ABCA9: variants seen among roughly 807,000 people sequenced by gnomAD.
The protein encoded by ABCA9 is ATP binding cassette subfamily A member 9.
A neutral mutation model predicts 205.3 loss-of-function variants in ABCA9; 183 were observed. The observed-to-expected ratio is 0.89, with a 90% CI of 0.79 to 1.01. The LOEUF (loss-of-function observed/expected upper bound fraction) is 1.01, where lower values mean the gene tolerates loss of function less well. ABCA9 is among the 50% of genes least tolerant of loss of function. ABCA9 has a pLI of 0.00. For missense variants in ABCA9, 1,805 were observed against 1,912.4 expected (o/e 0.94, Z 1.05); for synonymous variants, 651 against 683.3 (o/e 0.95, Z 0.74).
chr17:69,060,286 A>G (rs1021718891), intron 1 of ABCA9, among the ~76,000 whole-genome samples: 11 of 152,222 alleles, frequency 7.2e-5, no homozygotes, highest in Non-Finnish European at 1.6e-4. Flanking sequence ...TAAAAAGCCA[A>G]TCATTTCCCA....
At chr17:68,977,355 T>A (rs1288209782) in intron 37 of ABCA9, among the ~76,000 whole-genome samples, 1 of 152,160 alleles carries the variant, frequency 6.6e-6, no homozygotes, top group Non-Finnish European at 1.5e-5. Context: ...CAATTCTTCA[T>A]TTCTATACTG....
chr17:68,997,825 A>G (rs1476692781), intron 25 of ABCA9, among the ~76,000 whole-genome samples: 1 of 152,132 alleles, frequency 6.6e-6, no homozygotes, highest in Non-Finnish European at 1.5e-5. Flanking sequence ...CATAGTTTAC[A>G]TTAGAGCTTA....
chr17:69,069,176 AT>A, the ABCA9 span, among the ~76,000 whole-genome samples: 1 of 152,208 alleles, frequency 6.6e-6, no homozygotes, highest in South Asian at 2.1e-4. Flanking sequence ...CCCATCAGAG[AT>A]TGAGGTTTCA....
intron 1 of ABCA9, chr17:69,051,547 C>G (rs563739306): frequency 5.7e-6 from 1 of 176,856 alleles, no homozygotes; most frequent in Non-Finnish European, 1.2e-5. Context: ...TACCATCAAT[C>G]AGTTCTGCTC....
intron 1 of ABCA9, among the ~76,000 whole-genome samples, chr17:69,058,820 C>G (rs1213450403): frequency 6.9e-6 from 1 of 144,584 alleles, no homozygotes; most frequent in Non-Finnish European, 1.5e-5. Flanking sequence ...GCCTAGGTGA[C>G]AGTGTGAGAC....
In ABCA9 at chr17:69,015,969, T is replaced by TTG. The variant is rs3046825; in HGVS notation, c.3039+282_3039+283dup. On this transcript the variant is annotated intron_variant, in intron 22 of 38. Coordinates refer to ENST00000340001, the MANE Select transcript of ABCA9 (RefSeq NM_080283.4). Reference sequence around the variant, plus strand: ...ATAATATTGTGTGGTCAATTCTAAATTGTGTGTGTGTGTGTGTGTGTGTGT... The same window carrying TTG: ...ATAATATTGTGTGGTCAATTCTAAATTGTGTGTGTGTGTGTGTGTGTGTGTGT... Among the ~76,000 whole-genome samples the TTG allele has an allele frequency of 5.5e-3, 819 of 148,154 alleles. 4 individuals carry two copies. Among genetic ancestry groups the TTG allele is most frequent in the Admixed American group, 8.5e-3 (125 of 14,712 alleles).
chr17:69,061,099 CT>C (rs1217436078), upstream of ABCA9: 4 of 985,248 alleles, frequency 4.1e-6, no homozygotes, highest in African/African-American at 7.0e-5. Context: ...TTTTCCATTT[CT>C]TTGTTTCCTG....
At chr17:69,078,386 A>G in the ABCA9 span, among the ~76,000 whole-genome samples, 7 of 152,082 alleles carry the variant, frequency 4.6e-5, no homozygotes, top group Non-Finnish European at 1.0e-4. Flanking sequence ...TTTATTAGAG[A>G]TGGAGTTTCA....
rs776203798 is a variant in ABCA9 at position 69,027,465 on chromosome 17, A to G, written c.1792-16T>C. 18 of 1,597,662 alleles carry G rather than the reference A, an allele frequency of 1.1e-5. No individual in the cohort carries two copies. The Admixed American group carries it at 3.1e-4, about 27-fold the overall frequency. On this transcript the variant is annotated splice_polypyrimidine_tract_variant and intron_variant, in intron 13 of 38. Transcript: ENST00000340001. ...CTCGTTGTACCTAATCAAATAAAGA[A>G]TATTTAGTCCAAAACCCAGAAAGTT... is the stretch of plus-strand genomic sequence containing the variant.
chr17:69,061,834 G>A (rs973801279), upstream of ABCA9, among the ~76,000 whole-genome samples: 3 of 152,124 alleles, frequency 2.0e-5, no homozygotes, highest in Admixed American at 1.3e-4. Context: ...TGAAGAAGAG[G>A]GGGGAAAGGA....
At chr17:69,029,304 A>G in intron 10 of ABCA9, 77 bp from the exon 11 acceptor site, 1 of 833,082 alleles carries the variant, frequency 1.2e-6, no homozygotes, top group South Asian at 1.9e-5. Context: ...TTTGAGGCTT[A>G]ATCAAAGCCT....
At chr17:69,078,735 C>A in the ABCA9 span, 3 of 332,964 alleles carry the variant, frequency 9.0e-6, no homozygotes, top group Non-Finnish European at 1.6e-5. Flanking sequence ...TCCACAATAC[C>A]CAGTGCCTGA....
At chr17:68,982,418 A>T (rs2069086678) in intron 37 of ABCA9, 144 bp downstream of exon 37, 1 of 666,260 alleles carries the variant, frequency 1.5e-6, no homozygotes, top group East Asian at 2.8e-5. Flanking sequence ...CCCCTTATGG[A>T]AAAACACTGG....
In ABCA9 at chr17:69,060,735, A is replaced by T. The variant is rs946887592; in HGVS notation, c.-14+131T>A. 34 of 611,824 alleles carry T rather than the reference A, an allele frequency of 5.6e-5. No individual in the cohort carries two copies. The African/African-American group carries it at 6.4e-4, about 12-fold the overall frequency. 37.9% of individuals were successfully genotyped at this position (611,824 alleles called of 1,614,324 possible). A position where few individuals can be genotyped will look rare whatever the true frequency, so the allele number is the denominator to read the frequency against. On this transcript the variant is annotated intron_variant, in intron 1 of 38. Coordinates refer to ENST00000340001, the MANE Select transcript of ABCA9 (RefSeq NM_080283.4). Reference sequence around the variant, plus strand: ...ACATACAAAATAAAATAGATGATTTAAAAAGTCAAAATGACTCGTTAATAA... The same window carrying T: ...ACATACAAAATAAAATAGATGATTTTAAAAGTCAAAATGACTCGTTAATAA...
chr17:69,022,950 T>A (rs948396069), intron 17 of ABCA9, among the ~76,000 whole-genome samples: 2 of 152,256 alleles, frequency 1.3e-5, no homozygotes, highest in Non-Finnish European at 2.9e-5. Context: ...TCCAAATTTC[T>A]CATCCACTTT....
intron 11 of ABCA9, 129 bp from the exon 12 acceptor site, chr17:69,028,774 ATTC>A: frequency 2.1e-6 from 1 of 487,540 alleles, no homozygotes; most frequent in South Asian, 5.5e-5. Flanking sequence ...TCATCTTAAA[ATTC>A]TTTCTTTTAA....
At chr17:69,063,831 C>T (rs537739143), upstream of ABCA9, among the ~76,000 whole-genome samples, 1 of 152,322 alleles carries the variant, frequency 6.6e-6, no homozygotes, top group East Asian at 1.9e-4. Context: ...CTCGGCCTCC[C>T]AAAGTGTTGG....
the ABCA9 span, among the ~76,000 whole-genome samples, chr17:69,072,498 A>T: frequency 6.6e-6 from 1 of 152,122 alleles, no homozygotes; most frequent in Non-Finnish European, 1.5e-5. Context: ...GCCAAAATGA[A>T]TTTCATAAGT....
intron 28 of ABCA9, among the ~76,000 whole-genome samples, chr17:68,991,877 GC>G (rs1276550155): frequency 6.6e-6 from 1 of 152,040 alleles, no homozygotes; most frequent in Non-Finnish European, 1.5e-5. Context: ...CTTTCCCAAT[GC>G]TTATCTATAT....
Sources: gnomAD v4.1 joint callset for allele counts (sites outside exome capture counted in the v4.1 genomes callset) on GRCh38, gnomAD v4.1.1 for gene constraint, MANE v1.5 for transcripts, NCBI Gene and HGNC (gene_info 2026-07-23, HGNC 2026-07-21) for gene names.